Variants in SLC36A1 observed in about 807,000 individuals in gnomAD.
The protein encoded by SLC36A1 is proton-coupled amino acid transporter 1.
In SLC36A1, 30 loss-of-function variants were observed where a neutral mutation model predicts 47.5. That is an observed-to-expected ratio of 0.63 (90% CI 0.47 to 0.86). The LOEUF (loss-of-function observed/expected upper bound fraction) is 0.86, where lower values mean the gene tolerates loss of function less well. SLC36A1 is among the 40% of genes least tolerant of loss of function. The pLI is 0.00. For synonymous variants in SLC36A1, 255 were observed against 249.7 expected (o/e 1.02, Z -0.20); for missense variants, 517 against 606.0 (o/e 0.85, Z 1.54).
chr5:151,482,703 A>G (rs1194718224), intron 10 of SLC36A1, among the ~76,000 whole-genome samples: 1 of 152,184 alleles, frequency 6.6e-6, no homozygotes, highest in Non-Finnish European at 1.5e-5. Flanking sequence ...CATATTAACT[A>G]AGGTACTCCT....
At chr5:151,511,112 C>G in the SLC36A1 span, 1 of 152,598 alleles carries the variant, frequency 6.6e-6, no homozygotes, top group Non-Finnish European at 1.5e-5. Flanking sequence ...AGGGAGGAGG[C>G]TGGTGCCAGG....
At chr5:151,466,725 A>G (rs976986669) in intron 5 of SLC36A1, among the ~76,000 whole-genome samples, 3 of 152,144 alleles carry the variant, frequency 2.0e-5, no homozygotes, top group African/African-American at 7.2e-5. Flanking sequence ...AAAGTGTGAG[A>G]TGGGATAGGT....
chr5:151,458,333 TG>T (rs1754968459), intron 1 of SLC36A1, among the ~76,000 whole-genome samples: 1 of 93,414 alleles, frequency 1.1e-5, no homozygotes, highest in African/African-American at 4.0e-5. Context: ...TATATATATA[TG>T]GGATATTTAT....
chr5:151,551,976 G>GGTGT, the SLC36A1 span, among the ~76,000 whole-genome samples: 16,996 of 143,512 alleles, frequency 0.12, 979 homozygotes, highest in African/African-American at 0.14. Flanking sequence ...TAACCCTAAG[G>GGTGT]GTGTGTGTGT....
chr5:151,485,042 G>T (rs959068841), intron 10 of SLC36A1, among the ~76,000 whole-genome samples: 1 of 152,110 alleles, frequency 6.6e-6, no homozygotes, highest in Non-Finnish European at 1.5e-5. Context: ...TTTGTTGAGC[G>T]TTAGATGACC....
At chr5:151,404,540 G>A in the SLC36A1 span, among the ~76,000 whole-genome samples, 1 of 152,146 alleles carries the variant, frequency 6.6e-6, no homozygotes, top group Admixed American at 6.5e-5. Context: ...TTTTGTGGTA[G>A]CTAGTATCAT....
chr5:151,507,622 A>AGAG, the SLC36A1 span: 2 of 1,328,864 alleles, frequency 1.5e-6, no homozygotes, highest in South Asian at 1.4e-5. Context: ...CTGCGGAGAC[A>AGAG]GAGTAGTCAG....
At chr5:151,495,720 C>G (rs572739948), downstream of SLC36A1, among the ~76,000 whole-genome samples, 5 of 152,200 alleles carry the variant, frequency 3.3e-5, no homozygotes, top group Admixed American at 3.3e-4. Flanking sequence ...ATCTGTTCAT[C>G]TCTATAATTT....
At chr5:151,494,930 T>G (rs553701005), downstream of SLC36A1, among the ~76,000 whole-genome samples, 1 of 152,166 alleles carries the variant, frequency 6.6e-6, no homozygotes, top group Non-Finnish European at 1.5e-5. Flanking sequence ...TATAAAAAAA[T>G]TACTATTATG....
chr5:151,546,045 T>G, the SLC36A1 span: 2 of 1,614,052 alleles, frequency 1.2e-6, no homozygotes, highest in Non-Finnish European at 8.5e-7. Context: ...TTCCCTCTCT[T>G]AACTCATAGG....
intron 7 of SLC36A1, among the ~76,000 whole-genome samples, chr5:151,468,133 T>G (rs1221252805): frequency 2.0e-5 from 3 of 149,648 alleles, no homozygotes; most frequent in African/African-American, 4.9e-5. Flanking sequence ...GTGGGCCTAA[T>G]CTCAGCTATT....
chr5:151,500,981 G>A, the SLC36A1 span, among the ~76,000 whole-genome samples: 2 of 152,244 alleles, frequency 1.3e-5, no homozygotes, highest in African/African-American at 2.4e-5. Flanking sequence ...GAGGATGGAG[G>A]TGGGCTGGTT....
At chr5:151,388,597 T>A in the SLC36A1 span, among the ~76,000 whole-genome samples, 1 of 151,450 alleles carries the variant, frequency 6.6e-6, no homozygotes, top group East Asian at 1.9e-4. Context: ...CTTGGACACA[T>A]GTCCTCAGTG....
chr5:151,540,487 T>C, the SLC36A1 span: 1 of 1,301,528 alleles, frequency 7.7e-7, no homozygotes, highest in Non-Finnish European at 1.1e-6. Context: ...CTTCTCCTGC[T>C]CCTCACTCTC....
At chr5:151,550,805 C>G in the SLC36A1 span, 3 of 1,613,906 alleles carry the variant, frequency 1.9e-6, no homozygotes. Context: ...GGAACTCTGA[C>G]TTCATAACGA....
the SLC36A1 span, among the ~76,000 whole-genome samples, chr5:151,536,846 G>A: frequency 6.6e-6 from 1 of 152,198 alleles, no homozygotes; most frequent in Non-Finnish European, 1.5e-5. Flanking sequence ...CTAAAGGTGG[G>A]ATTTGGCTCT....
intron 1 of SLC36A1, 56 bp from the exon 2 acceptor site, chr5:151,458,732 T>C (rs35074529): frequency 0.58 from 909,991 of 1,572,106 alleles, 266,354 homozygotes; most frequent in African/African-American, 0.7. Context: ...CCACCCCAAA[T>C]ATGGAGCTAA....
the SLC36A1 span, among the ~76,000 whole-genome samples, chr5:151,547,829 G>A: frequency 1.3e-5 from 2 of 152,182 alleles, no homozygotes; most frequent in South Asian, 4.1e-4. Context: ...ATGCATAGGG[G>A]AAGATAAGAG....
downstream of SLC36A1, among the ~76,000 whole-genome samples, chr5:151,496,767 G>A (rs542396221): frequency 3.2e-4 from 49 of 152,190 alleles, no homozygotes; most frequent in Non-Finnish European, 6.0e-4. Context: ...TGTTGGTCAG[G>A]CTGGTCTTGA....
Sources: allele counts gnomAD v4.1 joint callset (sites outside exome capture counted in the v4.1 genomes callset), GRCh38; gene constraint gnomAD v4.1.1; transcripts MANE v1.5; gene names NCBI Gene and HGNC (gene_info 2026-07-23, HGNC 2026-07-21).